Variants in ARHGEF12 observed in about 807,000 individuals in gnomAD.
ARHGEF12 encodes KMT2A/ARHGEF12 fusion protein.
ARHGEF12 carries 66 observed loss-of-function variants against 211.2 expected under a neutral mutation model. That is an observed-to-expected ratio of 0.31 (90% CI 0.26 to 0.38). ARHGEF12 has a LOEUF of 0.38. Among genes scored for constraint, ARHGEF12 ranks in the 10% least tolerant of loss-of-function variants. The pLI, the probability that ARHGEF12 is intolerant of heterozygous loss-of-function variation, is 1.00. For synonymous variants in ARHGEF12, 592 were observed against 638.4 expected, an observed-to-expected ratio of 0.93 and a Z score of 1.09; for missense variants, 1,429 against 1,869.5, an observed-to-expected ratio of 0.76 and a Z score of 4.34.
At chr11:120,399,347 AAAAAG>A (rs1565453345) in intron 1 of ARHGEF12, among the ~76,000 whole-genome samples, 1 of 148,580 alleles carries the variant, frequency 6.7e-6, no homozygotes, top group Non-Finnish European at 1.5e-5. Context: ...AAAAAAAAAA[AAAAAG>A]AAAAGAAAGA....
intron 1 of ARHGEF12, among the ~76,000 whole-genome samples, chr11:120,386,622 T>C (rs953894147): frequency 3.9e-5 from 6 of 152,100 alleles, no homozygotes; most frequent in African/African-American, 1.4e-4. Context: ...GTAAAGGATA[T>C]AAAAAACTCA....
intron 1 of ARHGEF12, among the ~76,000 whole-genome samples, chr11:120,401,757 G>C (rs1213964780): frequency 1.3e-5 from 2 of 152,164 alleles, no homozygotes; most frequent in Admixed American, 6.5e-5. Context: ...CGTCTGAGAA[G>C]TTCAAGTATT....
chr11:120,469,307 G>A lies in ARHGEF12; in HGVS notation c.2874G>A (p.Glu958=). ...ATTTAGAATGGCCAACAGAAAGGGA[G>A]AAGGTGAAGAAAGCTGCAGATCACT... ...AKYTEWPTER[E]KVKKAADHCR... is the part of the protein sequence containing the mutation. Residue 958 remains glutamate (E), a synonymous_variant, in exon 30 of 41, where the codon GAG becomes GAA. Transcript: ENST00000397843. 6.2e-7 allele frequency: 1 copy of A among 1,613,152 alleles called. No homozygotes were observed. Among genetic ancestry groups the A allele is most frequent in the South Asian group, 1.1e-5 (1 of 90,876 alleles).
At chr11:120,441,676 G>A (rs776173880) in intron 13 of ARHGEF12, 31 bp from the exon 14 acceptor site, 121 of 1,548,708 alleles carry the variant, frequency 7.8e-5, no homozygotes, top group Non-Finnish European at 1.0e-4. Context: ...GTATGTTGGA[G>A]TTACTGATGC....
rs538821675 is a variant in ARHGEF12, at chr11:120,489,089, G to A, written c.*4012G>A. The A allele has an allele frequency of 2.2e-5, 5 of 222,902 alleles. No homozygotes were observed. The highest frequency in any genetic ancestry group is 5.7e-5 in the Admixed American group (1 of 17,456). 13.8% of individuals were successfully genotyped at this position (222,902 alleles called of 1,614,324 possible). Reference sequence around the variant, plus strand: ...GATTTGTCTTGTCCAAGTTATATTAGAAAAGTTGAGGAGTCGAGGAGCCTG... The same window carrying A: ...GATTTGTCTTGTCCAAGTTATATTAAAAAAGTTGAGGAGTCGAGGAGCCTG... On this transcript the variant is annotated 3_prime_UTR_variant, in exon 41 of 41. Transcript: ENST00000397843.
intron 8 of ARHGEF12, 31 bp downstream of exon 8, chr11:120,428,278 C>T: frequency 6.5e-7 from 1 of 1,538,190 alleles, no homozygotes; most frequent in Non-Finnish European, 8.8e-7. Flanking sequence ...TAGTTAAATG[C>T]TCAGTCTTAT....
chr11:120,476,272 A>T (rs1591640364), intron 33 of ARHGEF12: 1 of 157,524 alleles, frequency 6.3e-6, no homozygotes, highest in South Asian at 1.9e-4. Flanking sequence ...GGGTTTCGCC[A>T]TGCTGCCCAG....
intron 28 of ARHGEF12, 137 bp from the exon 29 acceptor site, chr11:120,467,057 T>A: frequency 1.7e-6 from 1 of 580,362 alleles, no homozygotes; most frequent in Non-Finnish European, 3.0e-6. Flanking sequence ...ATTGTGGCAA[T>A]GATATATCTT....
chr11:120,481,376 C>T lies in ARHGEF12; in HGVS notation c.4354C>T (p.His1452Tyr). The T allele has an allele frequency of 6.2e-7, 1 of 1,614,170 alleles. No homozygotes were observed. The highest frequency in any genetic ancestry group is 8.5e-7 in the Non-Finnish European group (1 of 1,180,024). Residue 1452 changes from histidine (H) to tyrosine (Y), a missense_variant, in exon 39 of 41, where the codon CAC becomes TAC. His to Tyr is a moderately conservative substitution (Grantham distance 83). Around this residue, in one of 7 missense-constraint regions of ARHGEF12, gnomAD observed 467 missense variants for 468.4 expected, o/e 1.00. Transcript: ENST00000397843. ...MTGIPAVEST[H>Y]QQQHSPQNTH... ...AGGCATCCCTGCTGTGGAATCCACC[C>T]ACCAGCAGCAACATTCTCCTCAGAA...
chr11:120,370,746 GTCTC>G (rs761475676), intron 1 of ARHGEF12, among the ~76,000 whole-genome samples: 1 of 152,022 alleles, frequency 6.6e-6, no homozygotes, highest in African/African-American at 2.4e-5. Context: ...TGGTTGGTCA[GTCTC>G]TTTCTTTCCC....
At position 120,373,693 on chromosome 11, in the gene ARHGEF12, T is replaced by TC. The variant is rs564206039; in HGVS notation, c.33-32420dup. Among the ~76,000 whole-genome samples the TC allele has an allele frequency of 1.4e-4, 22 of 152,320 alleles. No homozygotes were observed. The South Asian group carries it at 4.4e-3, about 30-fold the overall frequency. ...TTTTTTTCACCTTTCTATGTTTTTTTCCCCCTTCTATGTTTTTTTCCCCCA... is the reference window on the plus strand; with the variant it reads ...TTTTTTTCACCTTTCTATGTTTTTTTCCCCCCTTCTATGTTTTTTTCCCCCA... On this transcript the variant is annotated intron_variant, in intron 1 of 40. Coordinates refer to ENST00000397843, the MANE Select transcript of ARHGEF12 (RefSeq NM_015313.3).
chr11:120,441,269 G>T (rs957812010), intron 13 of ARHGEF12, among the ~76,000 whole-genome samples: 1 of 151,970 alleles, frequency 6.6e-6, no homozygotes, highest in African/African-American at 2.4e-5. Flanking sequence ...TATATTTAGG[G>T]ATTATACAAA....
rs1487144077 is a variant in ARHGEF12 at position 120,457,711 on chromosome 11, A to T, written c.2190-10A>T. 2 of 1,586,284 alleles carry T rather than the reference A, an allele frequency of 1.3e-6. No individual in the cohort carries two copies. Among genetic ancestry groups the T allele is most frequent in the Non-Finnish European group, 1.7e-6 (2 of 1,166,330 alleles). ...GTTTTCATGTTACTCTTTACTTTCC[A>T]TTGTTTTAGGGTGACTGAACATGGG... On this transcript the variant is annotated splice_polypyrimidine_tract_variant and intron_variant, in intron 23 of 40. Coordinates refer to ENST00000397843, the MANE Select transcript of ARHGEF12 (RefSeq NM_015313.3).
chr11:120,382,156 A>G (rs1024184875), intron 1 of ARHGEF12, among the ~76,000 whole-genome samples: 6 of 152,200 alleles, frequency 3.9e-5, no homozygotes, highest in African/African-American at 1.4e-4. Flanking sequence ...GTCCATGGCC[A>G]GGTTTTTGCA....
chr11:120,468,058 G>T (rs1946759946), intron 29 of ARHGEF12, among the ~76,000 whole-genome samples: 1 of 152,174 alleles, frequency 6.6e-6, no homozygotes, highest in East Asian at 1.9e-4. Context: ...ATCCTTGGCT[G>T]AAGAGATGTT....
chr11:120,418,285 GT>G (rs1232848941), intron 4 of ARHGEF12, among the ~76,000 whole-genome samples: 1 of 152,054 alleles, frequency 6.6e-6, no homozygotes, highest in Non-Finnish European at 1.5e-5. Flanking sequence ...TTTTAGTTTA[GT>G]TTTTCCTTTT....
rs181066441 is a variant in ARHGEF12, at chr11:120,368,207, G to A, written c.32+30932G>A. Among the ~76,000 whole-genome samples, 239 of 152,166 alleles carry A rather than the reference G, an allele frequency of 1.6e-3. 1 individual carries two copies. Among genetic ancestry groups the A allele is most frequent in the Non-Finnish European group, 2.4e-3 (161 of 68,000 alleles). Reference sequence around the variant, plus strand: ...ATCCTCCCGCCTCATTGTCCATACTGTCTAGCTATCTCCATGATAACAACA... The same window carrying A: ...ATCCTCCCGCCTCATTGTCCATACTATCTAGCTATCTCCATGATAACAACA... On this transcript the variant is annotated intron_variant, in intron 1 of 40. Transcript: ENST00000397843.
intron 1 of ARHGEF12, among the ~76,000 whole-genome samples, chr11:120,375,950 G>A (rs977206773): frequency 6.6e-6 from 1 of 151,978 alleles, no homozygotes; most frequent in Non-Finnish European, 1.5e-5. Context: ...TTTTTCTTAC[G>A]ATTTGACTGG....
intron 39 of ARHGEF12, among the ~76,000 whole-genome samples, chr11:120,482,609 G>A (rs1947280403): frequency 6.6e-6 from 1 of 152,116 alleles, no homozygotes; most frequent in Admixed American, 6.5e-5. Flanking sequence ...GCCAGGTGTG[G>A]TGGTGGGCGC....
Sources: gnomAD v4.1 joint callset for allele counts (sites outside exome capture counted in the v4.1 genomes callset) on GRCh38, gnomAD v4.1.1 for gene constraint, gnomAD v4.1.1 regional missense constraint, MANE v1.5 for transcripts, NCBI Gene and HGNC (gene_info 2026-07-23, HGNC 2026-07-21) for gene names.